KNOP1: variants seen among roughly 807,000 people sequenced by gnomAD.
KNOP1 encodes lysine rich nucleolar protein 1, also known as lysine-rich nucleolar protein 1.
Under a neutral mutation model 30.6 loss-of-function variants are expected in KNOP1, and 20 were observed. The observed-to-expected ratio is 0.65, with a 90% confidence interval of 0.46 to 0.95. The LOEUF is 0.95. KNOP1 is among the 40% of genes least tolerant of loss of function. The pLI is 0.00. For synonymous variants in KNOP1, 204 were observed against 210.0 expected, an observed-to-expected ratio of 0.97 and a Z score of 0.25; for missense variants, 540 against 562.0, an observed-to-expected ratio of 0.96 and a Z score of 0.40.
In KNOP1 at chr16:19,706,829, A is replaced by T; in HGVS notation, c.*81T>A. 3 of 1,497,232 alleles carry T rather than the reference A, an allele frequency of 2.0e-6. No individual in the cohort carries two copies. Among genetic ancestry groups the T allele is most frequent in the Non-Finnish European group, 2.7e-6 (3 of 1,099,906 alleles). 92.7% of individuals were successfully genotyped at this position (1,497,232 alleles called of 1,614,324 possible). ...GTCCTCACCAAGATCTGATTTTTTC[A>T]CAAAAAAAATTTGTAATCTCCAGCA... On this transcript the variant is annotated 3_prime_UTR_variant, in exon 5 of 5. Coordinates refer to ENST00000219837, the MANE Select transcript of KNOP1 (RefSeq NM_001012991.3).
Position 19,718,086 on chromosome 16 carries a change from C to T in KNOP1, c.-3+72G>A, listed in dbSNP as rs141513650. On this transcript the variant is annotated intron_variant, in intron 1 of 4. Coordinates refer to ENST00000219837, the MANE Select transcript of KNOP1 (RefSeq NM_001012991.3). ...GGTGGACCGCATTTCCCCATCTTCC[C>T]CGCCGCGCACTTCCTCTGGTGCAAT... The T allele has an allele frequency of 2.6e-4, 375 of 1,426,740 alleles. 3 individuals carry two copies. The African/African-American group carries it at 4.9e-3, about 19-fold the overall frequency. The allele number at this position is 1,426,740 out of a possible 1,614,324, so 88.4% of individuals were successfully genotyped here.
intron 1 of KNOP1, 26 bp downstream of exon 1, chr16:19,718,132 C>A: frequency 4.1e-6 from 6 of 1,447,034 alleles, no homozygotes; most frequent in Non-Finnish European, 5.4e-6. Context: ...CGCGCCGGCC[C>A]GCCTGCAACG....
At chr16:19,711,582 C>T (rs1422070006) in intron 2 of KNOP1, 142 bp from the exon 3 acceptor site, 2 of 724,656 alleles carry the variant, frequency 2.8e-6, no homozygotes, top group Non-Finnish European at 4.9e-6. Flanking sequence ...CACCTAGAAA[C>T]ATCTCAGTCA....
At chr16:19,710,415 G>T in intron 4 of KNOP1, 94 bp downstream of exon 4, 3 of 1,245,584 alleles carry the variant, frequency 2.4e-6, no homozygotes, top group South Asian at 1.2e-5. Context: ...GGACATACTT[G>T]GTTCTCCTGC....
At chr16:19,716,870 T>A (rs1013704309) in intron 1 of KNOP1, among the ~76,000 whole-genome samples, 25 of 152,242 alleles carry the variant, frequency 1.6e-4, no homozygotes, top group African/African-American at 5.8e-4. Context: ...TGAGACAAGG[T>A]CTGGCTCTGT....
In KNOP1 at chr16:19,714,452, G is replaced by A; in HGVS notation, c.584C>T (p.Ala195Val). Residue 195 changes from alanine (A) to valine (V), a missense_variant, in exon 2 of 5, where the codon GCC becomes GTC. Transcript: ENST00000219837. ...CTTCCGCTTCCGTTTCTGCCCCAAG[G>A]CTGCCTGTTCCTCATCCTTCTTCCC... is the stretch of plus-strand genomic sequence containing the variant. ...SVGKKDEEQA[A>V]LGQKRKRKSP... is the part of the protein sequence containing the mutation. 1.9e-6 allele frequency: 3 copies of A among 1,613,874 alleles called. No homozygotes were observed. Among genetic ancestry groups the A allele is most frequent in the Non-Finnish European group, 2.5e-6 (3 of 1,179,984 alleles).
intron 1 of KNOP1, chr16:19,717,470 G>T (rs1977216872): frequency 1.0e-6 from 1 of 985,300 alleles, no homozygotes; most frequent in African/African-American, 1.7e-5. Flanking sequence ...TCAGAATAGG[G>T]GAGTGGCCAA....
At chr16:19,717,266 C>T (rs1977184935) in intron 1 of KNOP1, 3 of 970,818 alleles carry the variant, frequency 3.1e-6, no homozygotes, top group Admixed American at 1.2e-4. Context: ...GTACTGCCCG[C>T]GGATAATGGG....
chr16:19,709,055 C>T (rs1473541662), intron 4 of KNOP1, among the ~76,000 whole-genome samples: 3 of 152,186 alleles, frequency 2.0e-5, no homozygotes, highest in Non-Finnish European at 2.9e-5. Context: ...CTTGCCCTCC[C>T]TATTCAAGCT....
At chr16:19,715,611 G>A (rs908626147) in intron 1 of KNOP1, among the ~76,000 whole-genome samples, 1 of 151,708 alleles carries the variant, frequency 6.6e-6, no homozygotes, top group Admixed American at 6.6e-5. Flanking sequence ...AGGAGGGACG[G>A]GGTTTCTCCA....
rs758027720 is a variant in KNOP1 at position 19,705,091 on chromosome 16, C to T, written c.*1819G>A. On this transcript the variant is annotated 3_prime_UTR_variant, in exon 5 of 5. Coordinates refer to ENST00000219837, the MANE Select transcript of KNOP1 (RefSeq NM_001012991.3). ...GAAGTTTCCTTGAGACACAAAAAGG[C>T]TTTTCTTCCTCTGGAATGTTCTAGG... The T allele has an allele frequency of 3.4e-5, 15 of 444,068 alleles. 1 individual carries two copies. The highest frequency in any genetic ancestry group is 2.4e-4 in the South Asian group (15 of 63,014). The allele number at this position is 444,068 out of a possible 1,614,324, so 27.5% of individuals were successfully genotyped here.
chr16:19,717,898 C>T (rs888229975), intron 1 of KNOP1: 1 of 1,074,986 alleles, frequency 9.3e-7, no homozygotes, highest in Middle Eastern at 4.4e-4. Context: ...AAGTAAGATC[C>T]GTACCTCCAA....
At position 19,717,766 on chromosome 16, in the gene KNOP1, C is replaced by T. The variant is rs552873890; in HGVS notation, c.-3+392G>A. On this transcript the variant is annotated intron_variant, in intron 1 of 4. Coordinates refer to ENST00000219837, the MANE Select transcript of KNOP1 (RefSeq NM_001012991.3). ...CAGAGACTACAATAATTCACTTGCC[C>T]TAGGTTCCAAAGCCAGCAAGTGGAA... The T allele has an allele frequency of 6.7e-5, 67 of 996,740 alleles. 1 individual carries two copies. The Admixed American group carries it at 3.5e-3, about 52-fold the overall frequency. The allele number at this position is 996,740 out of a possible 1,614,324, so 61.7% of individuals were successfully genotyped here.
chr16:19,704,008 AC>A lies in KNOP1; in HGVS notation c.*2901del, dbSNP rs1384093217. ...TGACCATCACACCCTCATGAGAGCTACCAGTCACCAGGGCTTGGATGGGAGC... is the reference window on the plus strand; with the variant it reads ...TGACCATCACACCCTCATGAGAGCTACAGTCACCAGGGCTTGGATGGGAGC... On this transcript the variant is annotated 3_prime_UTR_variant, in exon 5 of 5. Coordinates refer to ENST00000219837, the MANE Select transcript of KNOP1 (RefSeq NM_001012991.3). 1 of 152,288 alleles carries A rather than the reference AC, an allele frequency of 6.6e-6. No homozygotes were observed. Among genetic ancestry groups the A allele is most frequent in the Admixed American group, 6.5e-5 (1 of 15,288 alleles). 9.4% of individuals were successfully genotyped at this position (152,288 alleles called of 1,614,324 possible).
chr16:19,707,347 A>G, intron 4 of KNOP1, 126 bp from the exon 5 acceptor site: 1 of 714,120 alleles, frequency 1.4e-6, no homozygotes, highest in South Asian at 1.7e-5. Flanking sequence ...CACAGTGCTA[A>G]TAAGCTCAAC....
rs1976941152 is a variant in KNOP1, at chr16:19,714,938, T to C, written c.98A>G (p.Asn33Ser). ...KEPETRYSVLNNDDYFADVSP... is the reference protein window; with the variant it reads ...KEPETRYSVLSNDDYFADVSP... ...AACATCAGCAAAGTAATCATCATTG[T>C]TTAAAACTGAGTATCGAGTCTCTGG... Residue 33 changes from asparagine to serine, a missense_variant, in exon 2 of 5, where the codon AAC (asparagine) becomes AGC (serine). Asn to Ser is a conservative substitution (Grantham distance 46). Transcript: ENST00000219837. The C allele has an allele frequency of 6.2e-7, 1 of 1,613,268 alleles. No individual in the cohort carries two copies. Among genetic ancestry groups the C allele is most frequent in the Non-Finnish European group, 8.5e-7 (1 of 1,179,764 alleles).
intron 1 of KNOP1, 115 bp from the exon 2 acceptor site, chr16:19,715,152 G>A (rs1167747480): frequency 1.0e-5 from 7 of 682,602 alleles, no homozygotes; most frequent in Non-Finnish European, 1.7e-5. Flanking sequence ...TTGTGGGACA[G>A]GGAAAATGGA....
At chr16:19,707,704 T>C (rs1160290378) in intron 4 of KNOP1, among the ~76,000 whole-genome samples, 1 of 69,300 alleles carries the variant, frequency 1.4e-5, no homozygotes, top group East Asian at 5.9e-4. Flanking sequence ...CCCACCACTC[T>C]ACAGAGCACA....
chr16:19,707,051 C>G lies in KNOP1; in HGVS notation c.1236G>C (p.Leu412=), dbSNP rs376152743. Residue 412 remains leucine (L), a synonymous_variant, in exon 5 of 5, where the codon CTG becomes CTC. Coordinates refer to ENST00000219837, the MANE Select transcript of KNOP1 (RefSeq NM_001012991.3). ...CGTAGTCCCGCTGCAGATTCTGCTG[C>G]AGGCTGTCAGCCGCCTTCTTGCCGA... The part of the protein sequence containing the change: ...MALGKKAADS[L]QQNLQRDYDR... The G allele has an allele frequency of 1.9e-6, 3 of 1,614,144 alleles. No individual in the cohort carries two copies. In the Admixed American group the frequency reaches 5.0e-5, roughly 27 times the overall value.
Sources: gnomAD v4.1 joint callset for allele counts (sites outside exome capture counted in the v4.1 genomes callset) on GRCh38, gnomAD v4.1.1 for gene constraint, MANE v1.5 for transcripts, NCBI Gene and HGNC (gene_info 2026-07-23, HGNC 2026-07-21) for gene names.